The following EPDR1 variants were observed in gnomAD, a reference collection of about 807,000 sequenced individuals.
EPDR1 encodes mammalian ependymin-related protein 1.
In EPDR1, 27 loss-of-function variants were observed where a neutral mutation model predicts 23.7. The observed-to-expected ratio is 1.14, with a 90% CI of 0.84 to 1.57. EPDR1 has a LOEUF of 1.57. EPDR1 is among the 40% of genes most tolerant of loss of function. The probability of loss-of-function intolerance (pLI) is 0.00; values close to 1 mark genes in which losing one functional copy is unlikely to be tolerated. For synonymous variants in EPDR1, 137 were observed against 118.2 expected (o/e 1.16, Z -1.03); for missense variants, 349 against 290.4 (o/e 1.20, Z -1.47).
At position 37,920,647 on chromosome 7, in the gene EPDR1, A is replaced by G. The variant is rs759130896; in HGVS notation, c.-293A>G. ...CTGTTGGCAGCAGTGAGCAGTGAAA[A>G]CCGAAGCGGCAGAAGGCAGTGGCAG... On this transcript the variant is annotated 5_prime_UTR_variant, in exon 1 of 3. Transcript: ENST00000199448. 3 of 1,568,534 alleles carry G rather than the reference A, an allele frequency of 1.9e-6. No individual in the cohort carries two copies. Among genetic ancestry groups the G allele is most frequent in the Non-Finnish European group, 2.6e-6 (3 of 1,150,940 alleles).
At chr7:37,947,618 A>T (rs1217951831) in intron 1 of EPDR1, among the ~76,000 whole-genome samples, 1 of 152,208 alleles carries the variant, frequency 6.6e-6, no homozygotes, top group Non-Finnish European at 1.5e-5. Flanking sequence ...TTTGCTGATG[A>T]CAAGTCACTT....
chr7:37,934,558 G>T (rs555004748), intron 1 of EPDR1, among the ~76,000 whole-genome samples: 2 of 152,158 alleles, frequency 1.3e-5, no homozygotes, highest in East Asian at 3.9e-4. Context: ...AGCTCTAAGG[G>T]AGACTAAGAA....
intron 1 of EPDR1, among the ~76,000 whole-genome samples, chr7:37,932,875 T>G (rs886107996): frequency 6.6e-6 from 1 of 152,232 alleles, no homozygotes; most frequent in Non-Finnish European, 1.5e-5. Flanking sequence ...CATCCAGATA[T>G]ATTTTGGGAA....
At chr7:37,943,790 C>A (rs1426334111) in intron 1 of EPDR1, among the ~76,000 whole-genome samples, 1 of 152,188 alleles carries the variant, frequency 6.6e-6, no homozygotes, top group Admixed American at 6.5e-5. Context: ...CAAATGTTAA[C>A]ATTTCATAGT....
chr7:37,950,736 T>G lies in EPDR1; in HGVS notation c.*340T>G, dbSNP rs1426323907. Reference sequence around the variant, plus strand: ...TAGGGAAGGGTCAGTAAGAGAAGTTTGCCTTGGCAGCAAGTATTTATTGTT... The same window carrying G: ...TAGGGAAGGGTCAGTAAGAGAAGTTGGCCTTGGCAGCAAGTATTTATTGTT... On this transcript the variant is annotated 3_prime_UTR_variant, in exon 3 of 3. Coordinates refer to ENST00000199448, the MANE Select transcript of EPDR1 (RefSeq NM_017549.5). The G allele has an allele frequency of 4.7e-6, 1 of 211,070 alleles. No homozygotes were observed. Among genetic ancestry groups the G allele is most frequent in the East Asian group, 1.0e-4 (1 of 9,524 alleles). The allele number at this position is 211,070 out of a possible 1,614,324, so 13.1% of individuals were successfully genotyped here.
At chr7:37,924,290 T>A (rs1216469680) in intron 1 of EPDR1, among the ~76,000 whole-genome samples, 1 of 152,242 alleles carries the variant, frequency 6.6e-6, no homozygotes, top group African/African-American at 2.4e-5. Flanking sequence ...GAGTTTTCCA[T>A]CATGAATAAG....
intron 1 of EPDR1, 119 bp downstream of exon 1, chr7:37,921,327 C>CAG (rs1785695611): frequency 7.0e-7 from 1 of 1,429,886 alleles, no homozygotes; most frequent in South Asian, 1.5e-5. Context: ...TCCCTTCTCC[C>CAG]AGAGAGATCT....
intron 1 of EPDR1, among the ~76,000 whole-genome samples, chr7:37,942,926 A>G (rs1219132440): frequency 6.6e-6 from 1 of 152,224 alleles, no homozygotes; most frequent in African/African-American, 2.4e-5. Context: ...GAATTTTAGT[A>G]AAAGCAACAA....
Position 37,948,955 on chromosome 7 carries a change from C to T in EPDR1, c.385C>T (p.Gln129Ter). 6.2e-7 allele frequency: 1 copy of T among 1,614,156 alleles called. No homozygotes were observed. Reference sequence around the variant, plus strand: ...GCCCTGGGATCCTCTTGACATTCCTCAAAACTCCACCTTTGAAGACCAGTA... The same window carrying T: ...GCCCTGGGATCCTCTTGACATTCCTTAAAACTCCACCTTTGAAGACCAGTA... Reference protein sequence around the residue: ...TQPWDPLDIPQNSTFEDQYSI... With the variant: ...TQPWDPLDIP The change falls in exon 2 of 3, where the codon CAA becomes TAA. Residue 129 changes from glutamine to a stop codon, truncating the protein, a stop_gained. Coordinates refer to ENST00000199448, the MANE Select transcript of EPDR1 (RefSeq NM_017549.5). LOFTEE classifies it high-confidence loss of function.
At chr7:37,948,589 ACTCCATC>A (rs1161313528) in intron 1 of EPDR1, among the ~76,000 whole-genome samples, 2 of 151,826 alleles carry the variant, frequency 1.3e-5, no homozygotes, top group Non-Finnish European at 2.9e-5. Flanking sequence ...CTCAAAACGT[ACTCCATC>A]CTCGGCCTCC....
Position 37,945,371 on chromosome 7 carries a change from T to A in EPDR1, c.270-3469T>A, listed in dbSNP as rs1786252905. ...TAAAGGTATGTGTCTGGGTTATTTT[T>A]ACCCTTGTAAGCCGTTTCAAATCTT... On this transcript the variant is annotated intron_variant, in intron 1 of 2. Transcript: ENST00000199448. Among the ~76,000 whole-genome samples the A allele has an allele frequency of 2.6e-5, 4 of 152,244 alleles. No homozygotes were observed. The South Asian group carries it at 8.3e-4, about 32-fold the overall frequency.
intron 1 of EPDR1, among the ~76,000 whole-genome samples, chr7:37,943,871 A>C (rs1259970034): frequency 6.6e-6 from 1 of 152,212 alleles, no homozygotes; most frequent in Non-Finnish European, 1.5e-5. Context: ...AGCGGGCCTC[A>C]GGGAAACAGT....
At chr7:37,949,112 C>T in intron 2 of EPDR1, 64 bp downstream of exon 2, 1 of 1,500,282 alleles carries the variant, frequency 6.7e-7, no homozygotes, top group Non-Finnish European at 9.2e-7. Context: ...GGTTTAAGTC[C>T]TTTAAGGAAG....
intron 1 of EPDR1, among the ~76,000 whole-genome samples, chr7:37,937,410 T>C (rs1019663399): frequency 1.3e-5 from 2 of 152,092 alleles, no homozygotes; most frequent in African/African-American, 2.4e-5. Context: ...CTTTGCATTG[T>C]AGAAAACATT....
Position 37,921,124 on chromosome 7 carries a change from A to G in EPDR1, c.185A>G (p.Asn62Ser). 1.3e-6 allele frequency: 2 copies of G among 1,595,026 alleles called. No homozygotes were observed. Among genetic ancestry groups the G allele is most frequent in the Non-Finnish European group, 1.7e-6 (2 of 1,178,280 alleles). ...ATGTACCAGCAAAGTAGCGGGCGCA[A>G]CAGCCGCGCCCTGCTCTCCTACGAC... is the stretch of plus-strand genomic sequence containing the variant. ...QVMYQQSSGR[N>S]SRALLSYDGL... The change falls in exon 1 of 3, where the codon AAC (asparagine) becomes AGC (serine). Residue 62 changes from asparagine to serine, a missense_variant. Asn to Ser is a conservative substitution (Grantham distance 46, BLOSUM62 1). Transcript: ENST00000199448.
At position 37,950,374 on chromosome 7, in the gene EPDR1, T is replaced by C. The variant is rs1786376249; in HGVS notation, c.653T>C (p.Met218Thr). The change falls in exon 3 of 3, where the codon ATG becomes ACG. Residue 218 changes from methionine to threonine, a missense_variant. Physicochemically the swap from Met to Thr is moderately conservative, Grantham distance 81 (BLOSUM62 -1). Coordinates refer to ENST00000199448, the MANE Select transcript of EPDR1 (RefSeq NM_017549.5). ...TGCCAGATGGCCCAACTGGAGAAGA[T>C]GAGCGAAGACTGCTCCTGGTGAGCC... Reference protein sequence around the residue: ...STCQMAQLEKMSEDCSW With the variant: ...STCQMAQLEKTSEDCSW 6.2e-7 allele frequency: 1 copy of C among 1,613,308 alleles called. No individual in the cohort carries two copies.
chr7:37,947,272 G>A (rs1786296032), intron 1 of EPDR1, among the ~76,000 whole-genome samples: 1 of 152,156 alleles, frequency 6.6e-6, no homozygotes, highest in African/African-American at 2.4e-5. Flanking sequence ...ATTTAGTGCA[G>A]TCACATGCAG....
Position 37,950,595 on chromosome 7 carries a change from G to A in EPDR1, c.*199G>A, listed in dbSNP as rs1008669561. On this transcript the variant is annotated 3_prime_UTR_variant, in exon 3 of 3. Transcript: ENST00000199448. Reference sequence around the variant, plus strand: ...TACAGAAGAAAATTGAATGGCGAGGGTGTGGCCATATGAACTGACTAGATG... The same window carrying A: ...TACAGAAGAAAATTGAATGGCGAGGATGTGGCCATATGAACTGACTAGATG... 6.7e-6 allele frequency: 4 copies of A among 593,250 alleles called. No individual in the cohort carries two copies. The highest frequency in any genetic ancestry group is 4.6e-4 in the Middle Eastern group (1 of 2,192). The allele number at this position is 593,250 out of a possible 1,614,324, so 36.7% of individuals were successfully genotyped here.
chr7:37,928,917 ACCTTGCTC>A, intron 1 of EPDR1, among the ~76,000 whole-genome samples: 1 of 152,054 alleles, frequency 6.6e-6, no homozygotes, highest in East Asian at 1.9e-4. Flanking sequence ...CCCACTTCGG[ACCTTGCTC>A]CCTTTAGTCT....
Sources: gnomAD v4.1 joint callset for allele counts (sites outside exome capture counted in the v4.1 genomes callset) on GRCh38, gnomAD v4.1.1 for gene constraint, MANE v1.5 for transcripts, NCBI Gene and HGNC (gene_info 2026-07-23, HGNC 2026-07-21) for gene names.